PDE3A: variants seen among roughly 807,000 people sequenced by gnomAD.
PDE3A encodes the protein cGMP-inhibited 3',5'-cyclic phosphodiesterase 3A.
PDE3A carries 43 observed loss-of-function variants against 98.3 expected under a neutral mutation model. The observed-to-expected ratio is 0.44, with a 90% CI of 0.34 to 0.56. PDE3A has a LOEUF of 0.56. Among genes scored for constraint, PDE3A ranks in the 20% least tolerant of loss-of-function variants. The pLI is 0.01. For missense variants in PDE3A, 1,427 were observed against 1,440.7 expected, an observed-to-expected ratio of 0.99 and a Z score of 0.15; for synonymous variants, 663 against 567.9, an observed-to-expected ratio of 1.17 and a Z score of -2.38.
intron 2 of PDE3A, among the ~76,000 whole-genome samples, chr12:20,567,610 A>T (rs969118250): frequency 6.6e-6 from 1 of 151,040 alleles, no homozygotes; most frequent in Non-Finnish European, 1.5e-5. Flanking sequence ...GCATGTGACT[A>T]CTCCCCCCCA....
Position 20,369,204 on chromosome 12 carries a change from T to A in PDE3A, c.-81T>A. 1.1e-6 allele frequency: 1 copy of A among 872,838 alleles called. No homozygotes were observed. Among genetic ancestry groups the A allele is most frequent in the African/African-American group, 1.7e-5 (1 of 57,562 alleles). The allele number at this position is 872,838 out of a possible 1,614,324, so 54.1% of individuals were successfully genotyped here. A position where few individuals can be genotyped will look rare whatever the true frequency, so the allele number is the denominator to read the frequency against. ...GAGCGTGCGTGCGTGTGTGTGTGTGTGTGTGTGCGCGCGCGCGCGTGGGTC... is the reference window on the plus strand; with the variant it reads ...GAGCGTGCGTGCGTGTGTGTGTGTGAGTGTGTGCGCGCGCGCGCGTGGGTC... On this transcript the variant is annotated 5_prime_UTR_variant, in exon 1 of 16. Transcript: ENST00000359062.
chr12:20,433,126 A>G (rs566549079), intron 1 of PDE3A, among the ~76,000 whole-genome samples: 133 of 152,230 alleles, frequency 8.7e-4, no homozygotes, highest in African/African-American at 3.1e-3. Flanking sequence ...GCCTCCAAAA[A>G]TCCTCCTTTT....
At chr12:20,567,267 G>T (rs1942684374) in intron 2 of PDE3A, among the ~76,000 whole-genome samples, 1 of 151,946 alleles carries the variant, frequency 6.6e-6, no homozygotes, top group Admixed American at 6.6e-5. Flanking sequence ...AGTGTGTCTT[G>T]AGGAAATCTG....
At chr12:20,666,017 G>A (rs1175135419) in intron 15 of PDE3A, among the ~76,000 whole-genome samples, 1 of 147,664 alleles carries the variant, frequency 6.8e-6, no homozygotes, top group African/African-American at 2.5e-5. Context: ...AGTCTGGAGG[G>A]CAGTGGCACA....
At chr12:20,477,972 G>C (rs1945558434) in intron 1 of PDE3A, among the ~76,000 whole-genome samples, 1 of 152,090 alleles carries the variant, frequency 6.6e-6, no homozygotes, top group South Asian at 2.1e-4. Flanking sequence ...CACAAGTTTG[G>C]CTTCTTGAAA....
intron 1 of PDE3A, among the ~76,000 whole-genome samples, chr12:20,423,334 ATC>A (rs1944551000): frequency 6.6e-6 from 1 of 152,162 alleles, no homozygotes. Flanking sequence ...CTGTTTCTGT[ATC>A]TCTTTCACAG....
At chr12:20,657,943 T>C (rs1338470392) in intron 15 of PDE3A, among the ~76,000 whole-genome samples, 2 of 152,120 alleles carry the variant, frequency 1.3e-5, no homozygotes, top group Non-Finnish European at 2.9e-5. Flanking sequence ...AACTGAAGAG[T>C]GTTTGCTACA....
chr12:20,599,274 G>C (rs960359966), intron 2 of PDE3A, among the ~76,000 whole-genome samples: 10 of 152,118 alleles, frequency 6.6e-5, no homozygotes, highest in African/African-American at 2.2e-4. Context: ...CTCCAGTCCA[G>C]TTGGCCAATC....
At chr12:20,671,965 C>CA in intron 15 of PDE3A, among the ~76,000 whole-genome samples, 1 of 147,304 alleles carries the variant, frequency 6.8e-6, no homozygotes, top group South Asian at 2.2e-4. Context: ...TGTCTCAGCC[C>CA]AAAATCTCCT....
At chr12:20,434,333 A>C (rs1186738504) in intron 1 of PDE3A, among the ~76,000 whole-genome samples, 1 of 152,134 alleles carries the variant, frequency 6.6e-6, no homozygotes, top group African/African-American at 2.4e-5. Context: ...TTTCATTGAA[A>C]TTCTATAGGG....
At chr12:20,449,666 T>A (rs1277404316) in intron 1 of PDE3A, 1 of 437,994 alleles carries the variant, frequency 2.3e-6, no homozygotes, top group Non-Finnish European at 4.2e-6. Context: ...TCCCCCTATT[T>A]CTCTGTAAAC....
chr12:20,618,746 T>C (rs752142420), intron 4 of PDE3A, among the ~76,000 whole-genome samples: 10 of 152,038 alleles, frequency 6.6e-5, no homozygotes, highest in Non-Finnish European at 1.3e-4. Context: ...TTTAGAGAAA[T>C]AGGAAAAGCT....
chr12:20,687,937 A>AAAAAAAAG lies in PDE3A; in HGVS notation c.*7666_*7667insAAAAAAAG, dbSNP rs1946021451. Among the ~76,000 whole-genome samples, 1 of 147,590 alleles carries AAAAAAAAG rather than the reference A, an allele frequency of 6.8e-6. No homozygotes were observed. The highest frequency in any genetic ancestry group is 1.5e-5 in the Non-Finnish European group (1 of 66,600). ...CAGAAAAAAAAAAAAAAAAAAAAAA[A>AAAAAAAAG]CTGGCATTGGCAAGTTTTAATTAAT... On this transcript the variant is annotated 3_prime_UTR_variant, in exon 16 of 16. Coordinates refer to ENST00000359062, the MANE Select transcript of PDE3A (RefSeq NM_000921.5).
At chr12:20,530,055 A>G (rs1158212668) in intron 1 of PDE3A, among the ~76,000 whole-genome samples, 3 of 152,176 alleles carry the variant, frequency 2.0e-5, no homozygotes, top group Non-Finnish European at 4.4e-5. Flanking sequence ...TATTTCATTT[A>G]TAACACAATC....
At chr12:20,659,236 T>A (rs1294647309) in intron 15 of PDE3A, among the ~76,000 whole-genome samples, 1 of 152,190 alleles carries the variant, frequency 6.6e-6, no homozygotes, top group Non-Finnish European at 1.5e-5. Context: ...TCATTCTGTG[T>A]CTATATGGTT....
intron 2 of PDE3A, among the ~76,000 whole-genome samples, chr12:20,597,215 A>AGAT (rs1943486181): frequency 1.3e-5 from 2 of 152,188 alleles, no homozygotes; most frequent in Non-Finnish European, 2.9e-5. Context: ...AATGACTTAC[A>AGAT]GATAAGCTTA....
intron 1 of PDE3A, among the ~76,000 whole-genome samples, chr12:20,445,224 A>G (rs1488554070): frequency 6.6e-6 from 1 of 152,180 alleles, no homozygotes; most frequent in Non-Finnish European, 1.5e-5. Flanking sequence ...TAAGTTTACT[A>G]GTGATCCAGG....
chr12:20,684,205 C>T lies in PDE3A; in HGVS notation c.*3934C>T, dbSNP rs1945885778. 1 of 152,106 alleles carries T rather than the reference C, an allele frequency of 6.6e-6. No homozygotes were observed. Among genetic ancestry groups the T allele is most frequent in the East Asian group, 1.9e-4 (1 of 5,168 alleles). 9.4% of individuals were successfully genotyped at this position (152,106 alleles called of 1,614,324 possible). A position where few individuals can be genotyped will look rare whatever the true frequency, so the allele number is the denominator to read the frequency against. On this transcript the variant is annotated 3_prime_UTR_variant, in exon 16 of 16. Coordinates refer to ENST00000359062, the MANE Select transcript of PDE3A (RefSeq NM_000921.5). Reference sequence around the variant, plus strand: ...TCTACTGTGGGAGGTATTCTTGGTGCTTCCATGTCAGTATCGGGCTCTCCA... The same window carrying T: ...TCTACTGTGGGAGGTATTCTTGGTGTTTCCATGTCAGTATCGGGCTCTCCA...
chr12:20,679,249 GTTTAT>G (rs1001270555), intron 15 of PDE3A, among the ~76,000 whole-genome samples: 10 of 152,076 alleles, frequency 6.6e-5, no homozygotes, highest in East Asian at 3.9e-4. Flanking sequence ...TTAATTTTTA[GTTTAT>G]TTTATTTTTT....
Sources: allele counts gnomAD v4.1 joint callset (sites outside exome capture counted in the v4.1 genomes callset), GRCh38; gene constraint gnomAD v4.1.1; transcripts MANE v1.5; gene names NCBI Gene and HGNC (gene_info 2026-07-23, HGNC 2026-07-21).